NAB1: variants seen among roughly 807,000 people sequenced by gnomAD.
NAB1 encodes the protein NGFI-A binding protein 1, also known as NGFI-A-binding protein 1.
A neutral mutation model predicts 49.9 loss-of-function variants in NAB1; 25 were observed. The ratio of observed to expected loss-of-function variants is 0.50; its 90% CI spans 0.37 to 0.70. NAB1 has a LOEUF of 0.70. NAB1 is among the 30% of genes least tolerant of loss of function. The pLI is 0.00. For missense variants in NAB1, 489 were observed against 575.9 expected (o/e 0.85, Z 1.54); for synonymous variants, 198 against 215.6 (o/e 0.92, Z 0.71).
chr2:190,653,670 A>C (rs894000931), intron 2 of NAB1: 1 of 152,226 alleles, frequency 6.6e-6, no homozygotes, highest in African/African-American at 2.4e-5. Flanking sequence ...CTTTGAGTGT[A>C]TGGATCATTA....
At chr2:190,658,545 T>C (rs529466123) in intron 3 of NAB1, among the ~76,000 whole-genome samples, 2 of 152,308 alleles carry the variant, frequency 1.3e-5, no homozygotes, top group Admixed American at 1.3e-4. Flanking sequence ...TGTCAGTTAC[T>C]TGTTTGACTT....
At chr2:190,650,856 A>G (rs1559220272) in intron 2 of NAB1, among the ~76,000 whole-genome samples, 1 of 152,204 alleles carries the variant, frequency 6.6e-6, no homozygotes, top group Non-Finnish European at 1.5e-5. Flanking sequence ...GTCTTTGTAG[A>G]TGACTGGCTA....
chr2:190,651,106 A>G lies in NAB1; in HGVS notation c.-197+1124A>G. On this transcript the variant is annotated intron_variant, in intron 2 of 9. Coordinates refer to ENST00000337386, the MANE Select transcript of NAB1 (RefSeq NM_005966.4). This position sits in a 1 kb window ranked among gnomAD's most constrained non-coding sequence, Gnocchi z 4.3. ...AATAATGACAACATTGAGGAACTGTAGATTTTTATTTTATTCTGCCTGCTA... is the reference window on the plus strand; with the variant it reads ...AATAATGACAACATTGAGGAACTGTGGATTTTTATTTTATTCTGCCTGCTA... 6.6e-6 allele frequency among the ~76,000 whole-genome samples: 1 copy of G among 152,216 alleles called. No homozygotes were observed. The highest frequency in any genetic ancestry group is 1.5e-5 in the Non-Finnish European group (1 of 68,038).
At chr2:190,660,138 C>A in intron 4 of NAB1, 143 bp downstream of exon 4, 1 of 696,652 alleles carries the variant, frequency 1.4e-6, no homozygotes, top group Non-Finnish European at 2.4e-6. Context: ...CAACATGTAG[C>A]ACTTTTGTGA....
At position 190,669,728 on chromosome 2, in the gene NAB1, T is replaced by A. The variant is rs1559237997; in HGVS notation, c.820-598T>A. Among the ~76,000 whole-genome samples the A allele has an allele frequency of 6.6e-6, 1 of 152,212 alleles. No homozygotes were observed. The highest frequency in any genetic ancestry group is 1.5e-5 in the Non-Finnish European group (1 of 68,036). ...AGTGTTTGGTCAACTAGCAACTCTA[T>A]ATTGGCAATATTTAATAATTACTGA... On this transcript the variant is annotated intron_variant, in intron 4 of 9. Transcript: ENST00000337386. This position sits in a 1 kb window ranked among gnomAD's most constrained non-coding sequence, Gnocchi z 4.3.
chr2:190,655,857 A>G (rs1693892257), intron 2 of NAB1, 120 bp from the exon 3 acceptor site: 1 of 152,270 alleles, frequency 6.6e-6, no homozygotes, highest in Non-Finnish European at 1.5e-5. Context: ...GAATTTTAAA[A>G]AAAGTTTTGG....
chr2:190,688,994 G>A (rs1227530460), intron 9 of NAB1, among the ~76,000 whole-genome samples: 1 of 151,824 alleles, frequency 6.6e-6, no homozygotes, highest in Non-Finnish European at 1.5e-5. Context: ...GCCCGCCACT[G>A]CACCTGGCTA....
chr2:190,683,849 T>C (rs1185651013), intron 7 of NAB1, 22 bp downstream of exon 7: 1 of 1,554,014 alleles, frequency 6.4e-7, no homozygotes, highest in Non-Finnish European at 8.9e-7. Context: ...TCCCAGTTAT[T>C]ACTCCATGAT....
Position 190,672,925 on chromosome 2 carries a change from G to A in NAB1, c.954-176G>A, listed in dbSNP as rs1694888402. 2.0e-5 allele frequency among the ~76,000 whole-genome samples: 3 copies of A among 152,052 alleles called. 1 individual carries two copies. Among genetic ancestry groups the A allele is most frequent in the African/African-American group, 7.2e-5 (3 of 41,386 alleles). ...CTATACCTTCCCCTAGTGTTAACTT[G>A]GAAATGATGAAAGATCTTTTCTTCA... On this transcript the variant is annotated intron_variant, in intron 5 of 9. Coordinates refer to ENST00000337386, the MANE Select transcript of NAB1 (RefSeq NM_005966.4).
intron 6 of NAB1, among the ~76,000 whole-genome samples, chr2:190,673,836 C>CA (rs1694943092): frequency 6.6e-6 from 1 of 151,976 alleles, no homozygotes; most frequent in African/African-American, 2.4e-5. Flanking sequence ...TAGGACTCTC[C>CA]GAACTATAGA....
chr2:190,661,613 AT>A (rs1694231769), intron 4 of NAB1, among the ~76,000 whole-genome samples: 1 of 152,200 alleles, frequency 6.6e-6, no homozygotes, highest in Non-Finnish European at 1.5e-5. Context: ...AAAAAGAATT[AT>A]TTTACACTTA....
chr2:190,660,039 T>C, intron 4 of NAB1, 44 bp downstream of exon 4: 1 of 1,529,390 alleles, frequency 6.5e-7, no homozygotes, highest in Non-Finnish European at 8.9e-7. Flanking sequence ...ATGTGGCATG[T>C]TGCTAGTCGT....
In NAB1 at chr2:190,663,773, C is replaced by T. The variant is rs1035716672; in HGVS notation, c.819+3778C>T. Among the ~76,000 whole-genome samples the T allele has an allele frequency of 2.0e-5, 3 of 152,112 alleles. No homozygotes were observed. Among genetic ancestry groups the T allele is most frequent in the Non-Finnish European group, 4.4e-5 (3 of 68,010 alleles). Reference sequence around the variant, plus strand: ...TATGAGCAATTAAAGTATAAATTTTCACTATGTATTGATTCAGTGTTATTC... The same window carrying T: ...TATGAGCAATTAAAGTATAAATTTTTACTATGTATTGATTCAGTGTTATTC... On this transcript the variant is annotated intron_variant, in intron 4 of 9. Transcript: ENST00000337386. The surrounding 1 kb of genome is among the most constrained non-coding windows in gnomAD (Gnocchi z 4.2).
intron 5 of NAB1, among the ~76,000 whole-genome samples, 170 bp from the exon 6 acceptor site, chr2:190,672,931 G>T (rs1199150434): frequency 6.6e-6 from 1 of 152,120 alleles, no homozygotes; most frequent in Non-Finnish European, 1.5e-5. Context: ...ACTTGGAAAT[G>T]ATGAAAGATC....
chr2:190,690,160 T>G (rs1451289494), intron 9 of NAB1, 85 bp from the exon 10 acceptor site: 2 of 945,874 alleles, frequency 2.1e-6, no homozygotes, highest in Non-Finnish European at 1.7e-6. Context: ...TGATATGGAG[T>G]TTGGGGGTTT....
chr2:190,690,594 G>C lies in NAB1; in HGVS notation c.*261G>C. ...TGTGTTAAGTCATTTTATATGGAAA[G>C]GCTTACAAATCAATATTGTAAGCAT... On this transcript the variant is annotated 3_prime_UTR_variant, in exon 10 of 10. Coordinates refer to ENST00000337386, the MANE Select transcript of NAB1 (RefSeq NM_005966.4). 1 of 335,534 alleles carries C rather than the reference G, an allele frequency of 3.0e-6. No individual in the cohort carries two copies. Among genetic ancestry groups the C allele is most frequent in the East Asian group, 4.7e-5 (1 of 21,398 alleles). 20.8% of individuals were successfully genotyped at this position (335,534 alleles called of 1,614,324 possible). A position where few individuals can be genotyped will look rare whatever the true frequency, so the allele number is the denominator to read the frequency against.
chr2:190,681,419 G>A (rs1475989118), intron 6 of NAB1, among the ~76,000 whole-genome samples: 2 of 6,614 alleles, frequency 3.0e-4, no homozygotes, highest in Non-Finnish European at 2.7e-3. Context: ...GGATTTTTCA[G>A]TCTAAATAGA....
In NAB1 at chr2:190,651,042, A is replaced by C. The variant is rs1693640484; in HGVS notation, c.-197+1060A>C. ...TAAAAATGTTTTTTTCCCGACTCTG[A>C]TGGTCTCTTGTTACTTGTGAAGGTA... is the stretch of plus-strand genomic sequence containing the variant. On this transcript the variant is annotated intron_variant, in intron 2 of 9. Transcript: ENST00000337386. The surrounding 1 kb of genome is among the most constrained non-coding windows in gnomAD (Gnocchi z 4.3). 6.6e-6 allele frequency among the ~76,000 whole-genome samples: 1 copy of C among 152,158 alleles called. No homozygotes were observed. Among genetic ancestry groups the C allele is most frequent in the Non-Finnish European group, 1.5e-5 (1 of 68,012 alleles).
Position 190,651,659 on chromosome 2 carries a change from A to C in NAB1, c.-197+1677A>C, listed in dbSNP as rs538468888. ...AGCCTCCGAAGTTATGTCAGGTTTC[A>C]TTGGCCTAAGACTTAGGACTCATTT... On this transcript the variant is annotated intron_variant, in intron 2 of 9. Coordinates refer to ENST00000337386, the MANE Select transcript of NAB1 (RefSeq NM_005966.4). The surrounding 1 kb of genome is among the most constrained non-coding windows in gnomAD (Gnocchi z 4.3). Among the ~76,000 whole-genome samples the C allele has an allele frequency of 6.6e-6, 1 of 152,156 alleles. No homozygotes were observed. Among genetic ancestry groups the C allele is most frequent in the East Asian group, 1.9e-4 (1 of 5,194 alleles).
Sources: allele counts gnomAD v4.1 joint callset (sites outside exome capture counted in the v4.1 genomes callset), GRCh38; gene constraint gnomAD v4.1.1; non-coding constraint Gnocchi (gnomAD v3.1); transcripts MANE v1.5; gene names NCBI Gene and HGNC (gene_info 2026-07-23, HGNC 2026-07-21).